KATNAL1: variants seen among roughly 807,000 people sequenced by gnomAD.
KATNAL1 encodes katanin p60 ATPase-containing subunit A-like 1.
In KATNAL1, 32 loss-of-function variants were observed where a neutral mutation model predicts 55.2. That is an observed-to-expected ratio of 0.58 (90% CI 0.44 to 0.78). KATNAL1 has a LOEUF of 0.78. Ranked by LOEUF, KATNAL1 falls within the 30% of genes least tolerant of loss-of-function variation. The pLI, the probability that KATNAL1 is intolerant of heterozygous loss-of-function variation, is 0.00. For missense variants in KATNAL1, 466 were observed against 600.9 expected (o/e 0.78, Z 2.35); for synonymous variants, 193 against 193.6 (o/e 1.00, Z 0.02).
intron 9 of KATNAL1, among the ~76,000 whole-genome samples, chr13:30,220,049 C>T (rs144922827): frequency 2.6e-5 from 4 of 152,172 alleles, no homozygotes; most frequent in African/African-American, 7.2e-5. Context: ...ACTGACAGTT[C>T]GAGCAGCAAA....
rs187721458 is a variant in KATNAL1, at chr13:30,210,734, C to G, written c.1148-292G>C. 2.1e-3 allele frequency: 428 copies of G among 207,966 alleles called. 1 individual carries two copies. Among genetic ancestry groups the G allele is most frequent in the Admixed American group, 0.014 (232 of 16,776 alleles). The allele number at this position is 207,966 out of a possible 1,614,324, so 12.9% of individuals were successfully genotyped here. A position where few individuals can be genotyped will look rare whatever the true frequency, so the allele number is the denominator to read the frequency against. On this transcript the variant is annotated intron_variant, in intron 9 of 10. Transcript: ENST00000380615. ...GATACCTACTATGAGAACAAAGAAT[C>G]TGAGATTCTTCATGAAAAATATAAA...
chr13:30,232,129 T>C (rs1278612437), intron 6 of KATNAL1, among the ~76,000 whole-genome samples: 2 of 152,194 alleles, frequency 1.3e-5, no homozygotes, highest in Admixed American at 6.5e-5. Flanking sequence ...AACATAAAAG[T>C]ATTCTATAAA....
chr13:30,266,903 T>C lies in KATNAL1; in HGVS notation c.324-11288A>G, dbSNP rs187273788. On this transcript the variant is annotated intron_variant, in intron 3 of 10. Transcript: ENST00000380615. The stretch of plus-strand genomic sequence containing the variant: ...ACAATCCCATTTAATATGTTGGGGG[T>C]TGGATTCCTAGCATTTTGATGTTAC... 1.1e-3 allele frequency among the ~76,000 whole-genome samples: 166 copies of C among 152,270 alleles called. 1 individual carries two copies. Among genetic ancestry groups the C allele is most frequent in the African/African-American group, 3.7e-3 (155 of 41,540 alleles).
intron 4 of KATNAL1, among the ~76,000 whole-genome samples, chr13:30,250,409 T>C (rs1324113063): frequency 6.6e-6 from 1 of 152,244 alleles, no homozygotes; most frequent in East Asian, 1.9e-4. Flanking sequence ...TATTCTTTAA[T>C]GTGTATACAC....
At chr13:30,303,381 T>C (rs868401005) in intron 1 of KATNAL1, among the ~76,000 whole-genome samples, 3 of 152,194 alleles carry the variant, frequency 2.0e-5, no homozygotes, top group African/African-American at 4.8e-5. Context: ...TATATAAGTA[T>C]AGTTATCACT....
intron 2 of KATNAL1, chr13:30,281,759 TG>T (rs1288580630): frequency 6.6e-6 from 1 of 152,208 alleles, no homozygotes; most frequent in Admixed American, 6.5e-5. Flanking sequence ...TAACACTAAG[TG>T]GGGAGTGTCT....
At chr13:30,270,860 A>G (rs541890643) in intron 3 of KATNAL1, among the ~76,000 whole-genome samples, 23 of 151,098 alleles carry the variant, frequency 1.5e-4, no homozygotes, top group East Asian at 5.8e-4. Flanking sequence ...CTATTGTCCT[A>G]TGACCCTGCC....
At chr13:30,214,798 T>C (rs1874047544) in intron 9 of KATNAL1, among the ~76,000 whole-genome samples, 1 of 151,528 alleles carries the variant, frequency 6.6e-6, no homozygotes, top group African/African-American at 2.4e-5. Flanking sequence ...ACTTAAACGT[T>C]AGACCTAAAA....
chr13:30,263,852 C>T (rs1213442934), intron 3 of KATNAL1, among the ~76,000 whole-genome samples: 12 of 146,622 alleles, frequency 8.2e-5, no homozygotes. Flanking sequence ...CAATGACTTT[C>T]TTCACAGAAT....
intron 3 of KATNAL1, among the ~76,000 whole-genome samples, chr13:30,265,840 GTCTCTACTAAAAATACAA>G (rs1163532072): frequency 6.6e-6 from 1 of 150,468 alleles, no homozygotes; most frequent in African/African-American, 2.4e-5. Context: ...GGGAAACTCC[GTCTCTACTAAAAATACAA>G]AAAATTTGCC....
intron 3 of KATNAL1, among the ~76,000 whole-genome samples, chr13:30,265,419 A>G (rs201333442): frequency 5.9e-3 from 168 of 28,264 alleles, no homozygotes; most frequent in Non-Finnish European, 0.014. Flanking sequence ...AAAAAAAAAG[A>G]AAAAAAAGCA....
intron 1 of KATNAL1, among the ~76,000 whole-genome samples, chr13:30,289,271 T>C (rs937624010): frequency 2.0e-5 from 3 of 152,242 alleles, no homozygotes; most frequent in Non-Finnish European, 2.9e-5. Context: ...GCCTTTTTAA[T>C]TGATTATTGA....
chr13:30,292,362 A>C (rs1882189936), intron 1 of KATNAL1, among the ~76,000 whole-genome samples: 1 of 151,594 alleles, frequency 6.6e-6, no homozygotes, highest in Non-Finnish European at 1.5e-5. Flanking sequence ...AACCTAACCC[A>C]AGGTATTTTT....
chr13:30,209,444 A>T (rs549025560), intron 10 of KATNAL1, among the ~76,000 whole-genome samples: 1 of 152,378 alleles, frequency 6.6e-6, no homozygotes, highest in East Asian at 1.9e-4. Flanking sequence ...ACTTGGATGC[A>T]CATGGGAAAA....
In KATNAL1 at chr13:30,208,620, G is replaced by A. The variant is rs1873369442; in HGVS notation, c.1393C>T (p.Leu465=). 1 of 1,613,440 alleles carries A rather than the reference G, an allele frequency of 6.2e-7. No homozygotes were observed. Among genetic ancestry groups the A allele is most frequent in the Non-Finnish European group, 8.5e-7 (1 of 1,179,788 alleles). ...PVTKGDFELA[L]KKIAKSVSAA... Reference sequence around the variant, plus strand: ...GAGACAGACTTAGCAATTTTCTTTAGGGCCAATTCAAAGTCTCCTTTGGTA... The same window carrying A: ...GAGACAGACTTAGCAATTTTCTTTAAGGCCAATTCAAAGTCTCCTTTGGTA... Residue 465 remains leucine (L), a synonymous_variant, in exon 11 of 11, where the codon CTA becomes TTA. Transcript: ENST00000380615.
In KATNAL1 at chr13:30,293,321, A is replaced by G. The variant is rs532428049; in HGVS notation, c.-14-9530T>C. Among the ~76,000 whole-genome samples the G allele has an allele frequency of 2.0e-3, 303 of 152,122 alleles. 2 individuals carry two copies. Among genetic ancestry groups the G allele is most frequent in the African/African-American group, 7.0e-3 (292 of 41,488 alleles). ...ACTTTTTCCTTTTTTATTGAGGTAT[A>G]TAACTTAAAGTGCACAAGTCTTAAG... On this transcript the variant is annotated intron_variant, in intron 1 of 10. Transcript: ENST00000380615.
intron 9 of KATNAL1, among the ~76,000 whole-genome samples, chr13:30,218,221 T>C (rs1566086996): frequency 1.4e-5 from 2 of 141,146 alleles, no homozygotes; most frequent in African/African-American, 5.2e-5. Context: ...TATATATATA[T>C]ATATATAAAG....
rs1220842058 is a variant in KATNAL1 at position 30,226,344 on chromosome 13, A to G, written c.1147+1068T>C. ...TACCAGAAAGTTTACAGCTTTATTC[A>G]TAATAGCCAAAAAACTAGGAATAAC... On this transcript the variant is annotated intron_variant, in intron 9 of 10. Transcript: ENST00000380615. Among the ~76,000 whole-genome samples the G allele has an allele frequency of 3.3e-5, 5 of 152,356 alleles. No individual in the cohort carries two copies. In the East Asian group the frequency reaches 7.7e-4, roughly 23 times the overall value.
At chr13:30,245,254 G>C (rs1877671869) in intron 4 of KATNAL1, among the ~76,000 whole-genome samples, 1 of 152,130 alleles carries the variant, frequency 6.6e-6, no homozygotes, top group South Asian at 2.1e-4. Context: ...TTCAACATAC[G>C]CAAATCAAAA....
Sources: gnomAD v4.1 joint callset for allele counts (sites outside exome capture counted in the v4.1 genomes callset) on GRCh38, gnomAD v4.1.1 for gene constraint, MANE v1.5 for transcripts, NCBI Gene and HGNC (gene_info 2026-07-23, HGNC 2026-07-21) for gene names.